Variants in C1orf167 observed in about 807,000 individuals in gnomAD.
C1orf167 encodes the protein uncharacterized protein C1orf167.
C1orf167 carries 153 observed loss-of-function variants against 176.5 expected under a neutral mutation model. That is an observed-to-expected ratio of 0.87 (90% CI 0.76 to 0.99). C1orf167 has a LOEUF of 0.99. C1orf167 is among the 50% of genes least tolerant of loss of function. The probability of loss-of-function intolerance (pLI) is 0.00; values close to 1 mark genes in which losing one functional copy is unlikely to be tolerated. For missense variants in C1orf167, 1,490 were observed against 1,817.7 expected (o/e 0.82, Z 3.28); for synonymous variants, 594 against 752.7 (o/e 0.79, Z 3.45).
chr1:11,788,358 G>C lies in C1orf167; in HGVS notation c.4058G>C (p.Arg1353Thr), dbSNP rs1643961078. The change falls in exon 19 of 21, where the codon AGA (arginine) becomes ACA (threonine). Residue 1353 changes from arginine (R) to threonine (T), a missense_variant. Transcript: ENST00000688073. ...MAALGGCPRG[R>T]AAGADPAQGV... ...GCACTGGGTGGATGCCCAAGGGGCA[G>C]AGCAGCTGGTGCGGACCCTGGTGAG... 7.7e-7 allele frequency: 1 copy of C among 1,297,940 alleles called. No homozygotes were observed. Among genetic ancestry groups the C allele is most frequent in the African/African-American group, 1.5e-5 (1 of 65,744 alleles). 80.4% of individuals were successfully genotyped at this position (1,297,940 alleles called of 1,614,324 possible).
intron 8 of C1orf167, among the ~76,000 whole-genome samples, chr1:11,774,773 C>G (rs1221842156): frequency 1.3e-5 from 2 of 152,056 alleles, no homozygotes. Context: ...AGGAGGCTAC[C>G]GCTGGAGGAT....
rs79002055 is a variant in C1orf167, at chr1:11,776,555, C to T, written c.2256C>T (p.Ser752=). 8.8e-4 allele frequency: 1,118 copies of T among 1,275,796 alleles called. 7 individuals are homozygous for T. In the African/African-American group the frequency reaches 0.012, roughly 14 times the overall value. 79.0% of individuals were successfully genotyped at this position (1,275,796 alleles called of 1,614,324 possible). The change falls in exon 10 of 21, where the codon TCC becomes TCT. Residue 752 remains serine (S), a synonymous_variant. Transcript: ENST00000688073. The part of the protein sequence containing the change: ...AQGQQEQGRG[S]LQDACWTLAL... Reference sequence around the variant, plus strand: ...GGCAGCAGGAGCAAGGCCGGGGCTCCCTGCAGGATGCCTGCTGGACACTGG... The same window carrying T: ...GGCAGCAGGAGCAAGGCCGGGGCTCTCTGCAGGATGCCTGCTGGACACTGG...
chr1:11,788,408 C>T (rs1192700788), intron 19 of C1orf167, 30 bp downstream of exon 19: 1 of 1,272,580 alleles, frequency 7.9e-7, no homozygotes, highest in Non-Finnish European at 1.0e-6. Flanking sequence ...TCCACACTGA[C>T]CATCTCCCAT....
Position 11,778,710 on chromosome 1 carries a change from G to A in C1orf167, c.2390G>A (p.Trp797Ter), listed in dbSNP as rs775237978. The A allele has an allele frequency of 7.7e-7, 1 of 1,303,986 alleles. No homozygotes were observed. The highest frequency in any genetic ancestry group is 1.2e-5 in the South Asian group (1 of 80,994). The allele number at this position is 1,303,986 out of a possible 1,614,324, so 80.8% of individuals were successfully genotyped here. ...QQRMLQRSLR[W>*]WHLRALGPDA... ...CGGATGCTGCAGCGCAGCCTGAGATGGTGGCACTTGAGGGCACTGGGCCCA... is the reference window on the plus strand; with the variant it reads ...CGGATGCTGCAGCGCAGCCTGAGATAGTGGCACTTGAGGGCACTGGGCCCA... Residue 797 changes from tryptophan (W) to a stop codon, truncating the protein, a stop_gained, in exon 11 of 21, where the codon TGG (tryptophan) becomes TAG (stop). Coordinates refer to ENST00000688073, the MANE Select transcript of C1orf167 (RefSeq NM_001010881.2). LOFTEE classifies it high-confidence loss of function.
intron 20 of C1orf167, 78 bp from the exon 21 acceptor site, chr1:11,789,192 G>C: frequency 2.4e-6 from 3 of 1,245,528 alleles, no homozygotes; most frequent in South Asian, 1.4e-5. Flanking sequence ...GCTGGGTACA[G>C]GGGTTGCTCT....
Position 11,771,049 on chromosome 1 carries a change from G to GTA in C1orf167, c.1698-455_1698-454dup, listed in dbSNP as rs869122966. Reference sequence around the variant, plus strand: ...TGTGTGTATGTGTGTGTGTGTGTGTGTATATATATATATATATATATTTTT... The same window carrying GTA: ...TGTGTGTATGTGTGTGTGTGTGTGTGTATATATATATATATATATATATTTTT... On this transcript the variant is annotated intron_variant, in intron 6 of 20. Transcript: ENST00000688073. Among the ~76,000 whole-genome samples the GTA allele has an allele frequency of 3.5e-3, 121 of 34,906 alleles. 2 individuals are homozygous for GTA. Among genetic ancestry groups the GTA allele is most frequent in the African/African-American group, 0.012 (120 of 10,108 alleles). 22.9% of individuals were successfully genotyped at this position (34,906 alleles called of 152,430 possible).
At position 11,787,875 on chromosome 1, in the gene C1orf167, T is replaced by C. The variant is rs116698217; in HGVS notation, c.3676T>C (p.Cys1226Arg). ...TGTGACTCAACTCCCCTTTCCAGGG[T>C]GCAGGGAACATTCCCTCTGCCCTGC... ...KPRGTAWAQR[C>R]REHSLCPAFQ... The change falls in exon 18 of 21, where the codon TGC becomes CGC. Residue 1226 changes from cysteine (C) to arginine (R), a missense_variant and splice_region_variant. Physicochemically the swap from Cys to Arg is radical, Grantham distance 180 (BLOSUM62 -3). Transcript: ENST00000688073. 8.5e-4 allele frequency: 1,045 copies of C among 1,224,134 alleles called. 3 individuals are homozygous for C. The African/African-American group carries it at 0.011, about 13-fold the overall frequency. 75.8% of individuals were successfully genotyped at this position (1,224,134 alleles called of 1,614,324 possible). A position where few individuals can be genotyped will look rare whatever the true frequency, so the allele number is the denominator to read the frequency against.
intron 2 of C1orf167, 140 bp from the exon 3 acceptor site, chr1:11,765,717 G>A (rs1642758119): frequency 2.5e-6 from 2 of 802,196 alleles, no homozygotes; most frequent in Admixed American, 4.7e-5. Context: ...GGGAGACAGA[G>A]CTGGCAGAAG....
At position 11,768,282 on chromosome 1, in the gene C1orf167, G is replaced by T. The variant is rs553124362; in HGVS notation, c.1542+7G>T. Reference sequence around the variant, plus strand: ...GGTCCGGAGCTTCCGAGAGGTCAGCGGTCTCCAGGTTGGGCCAGGGGGCCG... The same window carrying T: ...GGTCCGGAGCTTCCGAGAGGTCAGCTGTCTCCAGGTTGGGCCAGGGGGCCG... On this transcript the variant is annotated splice_region_variant and intron_variant, in intron 5 of 20. Transcript: ENST00000688073. The surrounding 1 kb of genome is among the most constrained non-coding windows in gnomAD (Gnocchi z 4.5). 7.8e-7 allele frequency: 1 copy of T among 1,289,692 alleles called. No individual in the cohort carries two copies. The highest frequency in any genetic ancestry group is 2.3e-5 in the Admixed American group (1 of 43,538). The allele number at this position is 1,289,692 out of a possible 1,614,324, so 79.9% of individuals were successfully genotyped here.
chr1:11,766,478 C>G lies in C1orf167; in HGVS notation c.692C>G (p.Ala231Gly), dbSNP rs191877463. The G allele has an allele frequency of 4.1e-4, 529 of 1,286,202 alleles. No homozygotes were observed. Among genetic ancestry groups the G allele is most frequent in the Non-Finnish European group, 5.2e-4 (513 of 986,972 alleles). The allele number at this position is 1,286,202 out of a possible 1,614,324, so 79.7% of individuals were successfully genotyped here. ...GTCCCCAGTCAGAACCAGACTCAGGCCCCATCCCGTGCTGCCGTCCACCAG... is the reference window on the plus strand; with the variant it reads ...GTCCCCAGTCAGAACCAGACTCAGGGCCCATCCCGTGCTGCCGTCCACCAG... ...LAVPSQNQTQ[A>G]PSRAAVHQLL... Residue 231 changes from alanine to glycine, a missense_variant, in exon 3 of 21, where the codon GCC (alanine) becomes GGC (glycine). By Grantham distance (60) the Ala-to-Gly change is moderately conservative (BLOSUM62 0). Coordinates refer to ENST00000688073, the MANE Select transcript of C1orf167 (RefSeq NM_001010881.2). The surrounding 1 kb of genome is among the most constrained non-coding windows in gnomAD (Gnocchi z 4.5).
At chr1:11,767,389 G>T (rs1642854374) in intron 4 of C1orf167, 125 bp downstream of exon 4, 18 of 876,080 alleles carry the variant, frequency 2.1e-5, no homozygotes, top group Non-Finnish European at 2.9e-5. Context: ...TTTCAAGGAA[G>T]AGGAACTTAC....
chr1:11,772,548 T>G (rs1219708147), intron 8 of C1orf167, among the ~76,000 whole-genome samples: 5 of 152,234 alleles, frequency 3.3e-5, no homozygotes, highest in Admixed American at 3.3e-4. Flanking sequence ...ATTACAGGCG[T>G]GAGCCAGCAT....
rs1414712770 is a variant in C1orf167, at chr1:11,772,225, C to T, written c.1954C>T (p.Leu652=). The change falls in exon 8 of 21, where the codon CTG becomes TTG. Residue 652 remains leucine, a synonymous_variant. Coordinates refer to ENST00000688073, the MANE Select transcript of C1orf167 (RefSeq NM_001010881.2). ...TGCAGGTGTAGCCTGGGTGGCCCCA[C>T]TGAGCCCCCAGCACCAGAGAGCTTG... ...TAAGVAWVAP[L]SPQHQRAWLC... The T allele has an allele frequency of 7.7e-7, 1 of 1,304,074 alleles. No homozygotes were observed. Among genetic ancestry groups the T allele is most frequent in the African/African-American group, 1.5e-5 (1 of 65,868 alleles). The allele number at this position is 1,304,074 out of a possible 1,614,324, so 80.8% of individuals were successfully genotyped here. A position where few individuals can be genotyped will look rare whatever the true frequency, so the allele number is the denominator to read the frequency against.
At position 11,766,683 on chromosome 1, in the gene C1orf167, T is replaced by C; in HGVS notation, c.897T>C (p.Leu299=). The change falls in exon 3 of 21, where the codon CTT becomes CTC. Residue 299 remains leucine, a synonymous_variant. Coordinates refer to ENST00000688073, the MANE Select transcript of C1orf167 (RefSeq NM_001010881.2). This position sits in a 1 kb window ranked among gnomAD's most constrained non-coding sequence, Gnocchi z 4.5. ...LASSDGRRRR[L]RGHRETAAFL... ...CCTCGGATGGGAGGAGGAGACGCCT[T>C]CGAGGCCACAGGGAAACTGCGGCTT... 7.8e-7 allele frequency: 1 copy of C among 1,289,694 alleles called. No homozygotes were observed. Among genetic ancestry groups the C allele is most frequent in the Admixed American group, 2.3e-5 (1 of 43,540 alleles). 79.9% of individuals were successfully genotyped at this position (1,289,694 alleles called of 1,614,324 possible). A position where few individuals can be genotyped will look rare whatever the true frequency, so the allele number is the denominator to read the frequency against.
chr1:11,788,380 T>C lies in C1orf167; in HGVS notation c.4078+2T>C. Reference sequence around the variant, plus strand: ...GCAGAGCAGCTGGTGCGGACCCTGGTGAGTGGGTGCACCCCTCTCCACACT... The same window carrying C: ...GCAGAGCAGCTGGTGCGGACCCTGGCGAGTGGGTGCACCCCTCTCCACACT... On this transcript the variant is annotated splice_donor_variant, in intron 19 of 20. Coordinates refer to ENST00000688073, the MANE Select transcript of C1orf167 (RefSeq NM_001010881.2). LOFTEE classifies it high-confidence loss of function. 1 of 1,290,332 alleles carries C rather than the reference T, an allele frequency of 7.7e-7. No homozygotes were observed. The highest frequency in any genetic ancestry group is 1.5e-5 in the African/African-American group (1 of 65,558). The allele number at this position is 1,290,332 out of a possible 1,614,324, so 79.9% of individuals were successfully genotyped here.
chr1:11,767,388 A>G, intron 4 of C1orf167, 124 bp downstream of exon 4: 1 of 874,668 alleles, frequency 1.1e-6, no homozygotes, highest in Non-Finnish European at 1.6e-6. Flanking sequence ...GTTTCAAGGA[A>G]GAGGAACTTA....
At chr1:11,787,116 C>T (rs1370334991) in intron 16 of C1orf167, 2 of 184,456 alleles carry the variant, frequency 1.1e-5, no homozygotes, top group African/African-American at 4.7e-5. Context: ...CAGACGGCTT[C>T]CGAGGGATGA....
At chr1:11,771,699 A>G (rs6680385) in intron 7 of C1orf167, 63 bp downstream of exon 7, 790,138 of 1,123,786 alleles carry the variant, frequency 0.7, 280,942 homozygotes, top group East Asian at 0.89. Flanking sequence ...CCTGAGCTCC[A>G]CACTGGGCAG....
rs1643114594 is a variant in C1orf167, at chr1:11,772,203, A to G, written c.1932A>G (p.Ala644=). The change falls in exon 8 of 21, where the codon GCA becomes GCG. Residue 644 remains alanine (A), a synonymous_variant. Transcript: ENST00000688073. ...CCCAGGCCTGGCACTCTACTGCTGCAGGTGTAGCCTGGGTGGCCCCACTGA... is the reference window on the plus strand; with the variant it reads ...CCCAGGCCTGGCACTCTACTGCTGCGGGTGTAGCCTGGGTGGCCCCACTGA... ...SFPQAWHSTA[A]GVAWVAPLSP... is the part of the protein sequence containing the mutation. 1 of 1,304,180 alleles carries G rather than the reference A, an allele frequency of 7.7e-7. No homozygotes were observed. Among genetic ancestry groups the G allele is most frequent in the Admixed American group, 2.3e-5 (1 of 43,554 alleles). 80.8% of individuals were successfully genotyped at this position (1,304,180 alleles called of 1,614,324 possible).
Sources: gnomAD v4.1 joint callset for allele counts (sites outside exome capture counted in the v4.1 genomes callset) on GRCh38, gnomAD v4.1.1 for gene constraint, Gnocchi (gnomAD v3.1) non-coding constraint, MANE v1.5 for transcripts, NCBI Gene and HGNC (gene_info 2026-07-23, HGNC 2026-07-21) for gene names.